COP1: variants seen among roughly 807,000 people sequenced by gnomAD.
COP1 encodes the protein COP1 E3 ubiquitin ligase, also known as E3 ubiquitin-protein ligase COP1.
COP1 carries 24 observed loss-of-function variants against 101.3 expected under a neutral mutation model. That is an observed-to-expected ratio of 0.24 (90% confidence interval 0.17 to 0.33). The LOEUF (loss-of-function observed/expected upper bound fraction) is 0.33, where lower values mean the gene tolerates loss of function less well. COP1 is among the 10% of genes least tolerant of loss of function. COP1 has a pLI of 1.00. For missense variants in COP1, 663 were observed against 906.2 expected (o/e 0.73, Z 3.45); for synonymous variants, 347 against 341.9 (o/e 1.01, Z -0.17).
intron 11 of COP1, among the ~76,000 whole-genome samples, chr1:176,064,143 T>C (rs1294959635): frequency 2.0e-5 from 3 of 152,164 alleles, no homozygotes; most frequent in Non-Finnish European, 2.9e-5. Flanking sequence ...CCATGGTCCA[T>C]AGTTTGCTGA....
intron 1 of COP1, among the ~76,000 whole-genome samples, chr1:176,193,767 CAG>C (rs1699357200): frequency 1.3e-5 from 2 of 151,870 alleles, no homozygotes; most frequent in African/African-American, 4.8e-5. Context: ...TTCACAGAGA[CAG>C]AAAGTAAATT....
chr1:176,199,104 T>C (rs1386802148), intron 1 of COP1, among the ~76,000 whole-genome samples: 1 of 151,970 alleles, frequency 6.6e-6, no homozygotes, highest in Non-Finnish European at 1.5e-5. Flanking sequence ...GACCATGAGG[T>C]CCAGGGATCG....
At chr1:176,206,158 C>T (rs1347951784) in intron 1 of COP1, among the ~76,000 whole-genome samples, 1 of 152,156 alleles carries the variant, frequency 6.6e-6, no homozygotes, top group African/African-American at 2.4e-5. Flanking sequence ...TAGTCCTCTC[C>T]ATTTGCAAAT....
chr1:176,148,077 A>G lies in COP1; in HGVS notation c.831+929T>C, dbSNP rs557931839. 1.8e-3 allele frequency among the ~76,000 whole-genome samples: 269 copies of G among 152,108 alleles called. 1 individual carries two copies. The highest frequency in any genetic ancestry group is 3.3e-3 in the Non-Finnish European group (224 of 67,988). ...ACTGGACATCTTCTTCTTTCCTACC[A>G]CAAAAAAAAAACCTGAGACACAAGT... On this transcript the variant is annotated intron_variant, in intron 6 of 19. Transcript: ENST00000367669.
intron 3 of COP1, among the ~76,000 whole-genome samples, chr1:176,168,462 G>GAGGGAGGAAGGGAGGA: frequency 6.9e-6 from 1 of 145,808 alleles, no homozygotes; most frequent in East Asian, 2.0e-4. Context: ...GGAAGCGAGG[G>GAGGGAGGAAGGGAGGA]AGGGAGGAAG....
Position 176,028,696 on chromosome 1 carries a change from CATATATATATATAT to C in COP1, c.1613-1022_1613-1009del, listed in dbSNP as rs369887649. Among the ~76,000 whole-genome samples, 102 of 47,912 alleles carry C rather than the reference CATATATATATATAT, an allele frequency of 2.1e-3. 6 individuals are homozygous for C. Among genetic ancestry groups the C allele is most frequent in the East Asian group, 6.3e-3 (5 of 792 alleles). The allele number at this position is 47,912 out of a possible 152,430, so 31.4% of individuals were successfully genotyped here. On this transcript the variant is annotated intron_variant, in intron 14 of 19. Coordinates refer to ENST00000367669, the MANE Select transcript of COP1 (RefSeq NM_022457.7). The stretch of plus-strand genomic sequence containing the variant: ...CTGGAGCTAGGTGGTATATTTGTTT[CATATATATATATAT>C]ATATATATATATATATAGTTTTATA...
At chr1:176,011,287 C>A (rs1053996514) in intron 15 of COP1, among the ~76,000 whole-genome samples, 2 of 152,168 alleles carry the variant, frequency 1.3e-5, no homozygotes, top group Admixed American at 1.3e-4. Context: ...AAGTGCTCAA[C>A]AGCCAAATGT....
chr1:176,143,123 C>CGAGAGA (rs71129558), intron 6 of COP1, among the ~76,000 whole-genome samples: 58 of 146,816 alleles, frequency 4.0e-4, no homozygotes, highest in African/African-American at 1.1e-3. Context: ...ACAGAACAAG[C>CGAGAGA]GAGAGAGAGA....
chr1:176,069,154 C>T (rs1447326248), intron 11 of COP1, among the ~76,000 whole-genome samples: 3 of 151,590 alleles, frequency 2.0e-5, no homozygotes, highest in African/African-American at 7.3e-5. Context: ...GACTGCACTC[C>T]AGCCTGAGCA....
intron 15 of COP1, among the ~76,000 whole-genome samples, chr1:176,000,510 T>A (rs1661342922): frequency 6.6e-6 from 1 of 152,106 alleles, no homozygotes; most frequent in South Asian, 2.1e-4. Flanking sequence ...ATAATGGCTA[T>A]GACAACATTA....
intron 14 of COP1, among the ~76,000 whole-genome samples, chr1:176,032,988 ATTAAG>A (rs1386534862): frequency 6.6e-6 from 1 of 152,240 alleles, no homozygotes; most frequent in African/African-American, 2.4e-5. Context: ...AATGCTATTT[ATTAAG>A]TTATTTAATC....
intron 15 of COP1, among the ~76,000 whole-genome samples, chr1:176,013,838 A>C (rs1665120017): frequency 6.6e-6 from 1 of 152,192 alleles, no homozygotes; most frequent in South Asian, 2.1e-4. Context: ...CACATGTAAA[A>C]CTATCAAGGT....
intron 15 of COP1, among the ~76,000 whole-genome samples, chr1:176,019,130 C>G: frequency 6.6e-6 from 1 of 151,782 alleles, no homozygotes; most frequent in African/African-American, 2.4e-5. Context: ...TGCACCACTG[C>G]ACTCCAGCTT....
intron 8 of COP1, among the ~76,000 whole-genome samples, chr1:176,133,187 C>T (rs989231097): frequency 5.4e-5 from 7 of 130,188 alleles, no homozygotes; most frequent in Non-Finnish European, 1.1e-4. Flanking sequence ...TACGTATATA[C>T]GTACGTATAT....
chr1:175,991,736 T>A (rs1658538095), intron 15 of COP1, among the ~76,000 whole-genome samples: 1 of 151,456 alleles, frequency 6.6e-6, no homozygotes, highest in African/African-American at 2.5e-5. Flanking sequence ...CTTTTTAAAC[T>A]TTTTTGTTAA....
At chr1:176,140,631 A>AGGG (rs2149771583) in intron 6 of COP1, among the ~76,000 whole-genome samples, 1 of 152,268 alleles carries the variant, frequency 6.6e-6, no homozygotes, top group Non-Finnish European at 1.5e-5. Flanking sequence ...TGTAAACATA[A>AGGG]CCCCGGGAAG....
At chr1:176,006,308 C>G (rs919746588) in intron 15 of COP1, among the ~76,000 whole-genome samples, 1 of 152,080 alleles carries the variant, frequency 6.6e-6, no homozygotes. Context: ...ATCCAATTTG[C>G]CAGTCTGTGT....
chr1:176,143,068 A>C (rs895705099), intron 6 of COP1, among the ~76,000 whole-genome samples: 12 of 152,008 alleles, frequency 7.9e-5, no homozygotes, highest in African/African-American at 2.9e-4. Context: ...TAGTTATTAG[A>C]AAAAAACCCA....
intron 15 of COP1, 138 bp downstream of exon 15, chr1:176,027,434 T>C (rs1667867679): frequency 1.5e-6 from 1 of 653,732 alleles, no homozygotes; most frequent in Admixed American, 2.3e-5. Flanking sequence ...TGGCATACTG[T>C]ATACTTCTAA....
Sources: allele counts gnomAD v4.1 joint callset (sites outside exome capture counted in the v4.1 genomes callset), GRCh38; gene constraint gnomAD v4.1.1; transcripts MANE v1.5; gene names NCBI Gene and HGNC (gene_info 2026-07-23, HGNC 2026-07-21).